Variants in WNK1 observed in about 807,000 individuals in gnomAD.
WNK1 encodes the protein WNK lysine deficient protein kinase 1, also known as serine/threonine-protein kinase WNK1.
WNK1 carries 38 observed loss-of-function variants against 222.8 expected under a neutral mutation model. The ratio of observed to expected loss-of-function variants is 0.17; its 90% CI spans 0.13 to 0.22. The LOEUF (loss-of-function observed/expected upper bound fraction) is 0.22. Ranked by LOEUF, WNK1 falls within the 10% of genes least tolerant of loss-of-function variation. WNK1 has a pLI of 1.00. For synonymous variants in WNK1, 1,090 were observed against 1,092.9 expected, an observed-to-expected ratio of 1.00 and a Z score of 0.05; for missense variants, 2,348 against 2,918.4, an observed-to-expected ratio of 0.80 and a Z score of 4.50.
rs776111150 is a variant in WNK1, at chr12:862,244, C to T, written c.2113C>T (p.His705Tyr). 6.2e-7 allele frequency: 1 copy of T among 1,614,074 alleles called. No homozygotes were observed. Among genetic ancestry groups the T allele is most frequent in the South Asian group, 1.1e-5 (1 of 91,082 alleles). Reference sequence around the variant, plus strand: ...TACTGTCCAAGCACAGTCTCAGCCCCATGGGGTATATCCACCCTCAAGTGT... The same window carrying T: ...TACTGTCCAAGCACAGTCTCAGCCCTATGGGGTATATCCACCCTCAAGTGT... ...PSTVQAQSQP[H>Y]GVYPPSSVAQ... Residue 705 changes from histidine to tyrosine, a missense_variant, in exon 8 of 28, where the codon CAT becomes TAT. Coordinates refer to ENST00000315939, the MANE Select transcript of WNK1 (RefSeq NM_018979.4).
intron 1 of WNK1, among the ~76,000 whole-genome samples, chr12:806,682 T>C (rs910837878): frequency 6.6e-6 from 1 of 152,164 alleles, no homozygotes; most frequent in Admixed American, 6.5e-5. Flanking sequence ...CATGGAATTA[T>C]AGAGATTGCC....
At chr12:883,621 GT>G in intron 16 of WNK1, 53 bp downstream of exon 16, 1 of 1,611,866 alleles carries the variant, frequency 6.2e-7, no homozygotes, top group Non-Finnish European at 8.5e-7. Context: ...TATTTTCATA[GT>G]TCTAAATTTG....
intron 8 of WNK1, chr12:868,008 A>G: frequency 1.9e-6 from 3 of 1,613,938 alleles, no homozygotes; most frequent in Non-Finnish European, 2.5e-6. Flanking sequence ...CAGCGGCGTA[A>G]GAGCACCTCC....
chr12:848,858 A>G (rs1319039680), intron 4 of WNK1, among the ~76,000 whole-genome samples: 4 of 152,214 alleles, frequency 2.6e-5, no homozygotes, highest in Non-Finnish European at 5.9e-5. Context: ...GTTGCTCTTT[A>G]TAGAATCTAG....
intron 1 of WNK1, among the ~76,000 whole-genome samples, chr12:794,362 A>G (rs1006763696): frequency 3.9e-5 from 6 of 152,298 alleles, no homozygotes; most frequent in Non-Finnish European, 8.8e-5. Context: ...ACCATTTTAC[A>G]TTCTCTACAG....
At chr12:897,705 G>A (rs1231589886) in intron 25 of WNK1, 24 bp downstream of exon 25, 2 of 1,609,476 alleles carry the variant, frequency 1.2e-6, no homozygotes, top group Non-Finnish European at 1.7e-6. Flanking sequence ...GACTAGGTCA[G>A]CCACAGCTGT....
intron 1 of WNK1, among the ~76,000 whole-genome samples, chr12:775,555 A>T (rs1305021572): frequency 1.3e-5 from 2 of 152,196 alleles, no homozygotes; most frequent in African/African-American, 2.4e-5. Context: ...GCAAAAAAAA[A>T]TTAACATATT....
At chr12:835,298 A>G (rs186348117) in intron 4 of WNK1, among the ~76,000 whole-genome samples, 175 of 152,300 alleles carry the variant, frequency 1.1e-3, no homozygotes, top group Non-Finnish European at 1.2e-3. Flanking sequence ...AGATTGTGCC[A>G]TTGCACTCGA....
Position 887,311 on chromosome 12 carries a change from C to G in WNK1, c.5364+7C>G. 1 of 1,614,082 alleles carries G rather than the reference C, an allele frequency of 6.2e-7. No homozygotes were observed. The highest frequency in any genetic ancestry group is 1.1e-5 in the South Asian group (1 of 91,078). ...AGGACCTTCTCTAACCCAGGTGCCTCAAGACTTGACAAATTTCTTCCTGTG... is the reference window on the plus strand; with the variant it reads ...AGGACCTTCTCTAACCCAGGTGCCTGAAGACTTGACAAATTTCTTCCTGTG... On this transcript the variant is annotated splice_region_variant and intron_variant, in intron 20 of 27. Transcript: ENST00000315939.
At chr12:766,780 TTTA>T (rs748627193) in intron 1 of WNK1, among the ~76,000 whole-genome samples, 17 of 147,706 alleles carry the variant, frequency 1.2e-4, no homozygotes, top group Admixed American at 4.1e-4. Flanking sequence ...CCCGGCTTAT[TTTA>T]TTATTATTTT....
chr12:800,388 T>C (rs1340466770), intron 1 of WNK1, among the ~76,000 whole-genome samples: 1 of 152,168 alleles, frequency 6.6e-6, no homozygotes, highest in Non-Finnish European at 1.5e-5. Flanking sequence ...TCATATAGCT[T>C]TCCTCTAGCA....
rs1023044837 is a variant in WNK1 at position 851,517 on chromosome 12, T to G, written c.1312-5644T>G. The G allele has an allele frequency of 6.0e-6, 7 of 1,165,812 alleles. No homozygotes were observed. The Admixed American group carries it at 1.5e-4, about 25-fold the overall frequency. The allele number at this position is 1,165,812 out of a possible 1,614,324, so 72.2% of individuals were successfully genotyped here. ...TGTCCATCTAGAATAAATCTGTTGTTGGCTGAGTAGAGCAAATTCCTGTCT... is the reference window on the plus strand; with the variant it reads ...TGTCCATCTAGAATAAATCTGTTGTGGGCTGAGTAGAGCAAATTCCTGTCT... On this transcript the variant is annotated intron_variant, in intron 4 of 27. Coordinates refer to ENST00000315939, the MANE Select transcript of WNK1 (RefSeq NM_018979.4).
At chr12:821,663 T>A (rs997101510) in intron 2 of WNK1, among the ~76,000 whole-genome samples, 25 of 152,250 alleles carry the variant, frequency 1.6e-4, no homozygotes, top group Admixed American at 9.2e-4. Flanking sequence ...ATTACTGTAG[T>A]GTCTACTAAT....
At chr12:844,694 T>C (rs1949890844) in intron 4 of WNK1, among the ~76,000 whole-genome samples, 1 of 152,116 alleles carries the variant, frequency 6.6e-6, no homozygotes, top group Non-Finnish European at 1.5e-5. Context: ...CCAATCTCCA[T>C]TCCCATCTTC....
intron 4 of WNK1, among the ~76,000 whole-genome samples, chr12:846,291 A>G (rs141314387): frequency 6.6e-6 from 1 of 152,294 alleles, no homozygotes; most frequent in Admixed American, 6.5e-5. Context: ...ATGAAAGTCT[A>G]TGCCACTGAT....
At chr12:841,653 G>A (rs1949634774) in intron 4 of WNK1, among the ~76,000 whole-genome samples, 1 of 152,158 alleles carries the variant, frequency 6.6e-6, no homozygotes. Context: ...AAACTAGGTG[G>A]CATATAAACA....
chr12:770,427 TTGAAA>T (rs1370010342), intron 1 of WNK1, among the ~76,000 whole-genome samples: 1 of 152,240 alleles, frequency 6.6e-6, no homozygotes, highest in Non-Finnish European at 1.5e-5. Flanking sequence ...GGATTACATA[TTGAAA>T]TGATGATGTT....
chr12:777,158 G>GTT (rs560869282), intron 1 of WNK1, among the ~76,000 whole-genome samples: 61 of 131,124 alleles, frequency 4.7e-4, no homozygotes, highest in African/African-American at 1.4e-3. Context: ...GATTTTTTTT[G>GTT]TTTTTTTTTT....
At chr12:769,536 AT>A (rs35917797) in intron 1 of WNK1, among the ~76,000 whole-genome samples, 2 of 151,968 alleles carry the variant, frequency 1.3e-5, no homozygotes, top group East Asian at 3.9e-4. Context: ...TGTCCCTATC[AT>A]TTTTTTATGA....
Sources: gnomAD v4.1 joint callset for allele counts (sites outside exome capture counted in the v4.1 genomes callset) on GRCh38, gnomAD v4.1.1 for gene constraint, MANE v1.5 for transcripts, NCBI Gene and HGNC (gene_info 2026-07-23, HGNC 2026-07-21) for gene names.